ABCG1: variants seen among roughly 807,000 people sequenced by gnomAD.
ABCG1 encodes ATP binding cassette subfamily G member 1, also known as ATP-binding cassette sub-family G member 1.
ABCG1 carries 29 observed loss-of-function variants against 69.2 expected under a neutral mutation model. That is an observed-to-expected ratio of 0.42 (90% CI 0.31 to 0.57). The LOEUF is 0.57. Ranked by LOEUF, ABCG1 falls within the 20% of genes least tolerant of loss-of-function variation. The pLI, the probability that ABCG1 is intolerant of heterozygous loss-of-function variation, is 0.15. For missense variants in ABCG1, 718 were observed against 898.1 expected (o/e 0.80, Z 2.56); for synonymous variants, 370 against 374.8 (o/e 0.99, Z 0.15).
chr21:42,240,474 G>A (rs2068035426), intron 2 of ABCG1, among the ~76,000 whole-genome samples: 1 of 152,206 alleles, frequency 6.6e-6, no homozygotes, highest in Admixed American at 6.5e-5. Context: ...TCTTTGAGAT[G>A]GAGTCTCGCT....
chr21:42,260,016 G>A lies in ABCG1; in HGVS notation c.287-11054G>A, dbSNP rs980290080. ...CAGTGCGGCATCCTGCACGTGGTCA[G>A]TCCAAGTCCAGGGAGGGCCCCATCA... is the stretch of plus-strand genomic sequence containing the variant. On this transcript the variant is annotated intron_variant, in intron 2 of 14. Transcript: ENST00000398449. 10 of 1,547,398 alleles carry A rather than the reference G, an allele frequency of 6.5e-6. No homozygotes were observed. The Admixed American group carries it at 1.8e-4, about 27-fold the overall frequency.
Position 42,225,319 on chromosome 21 carries a change from T to C in ABCG1, c.43-352T>C, listed in dbSNP as rs529694253. ...CCTGGTGTGTCTTTATTGAGGTTTT[T>C]AAAATGAGGGGACTGTAAATAGATC... On this transcript the variant is annotated intron_variant, in intron 1 of 14. Coordinates refer to ENST00000398449, the MANE Select transcript of ABCG1 (RefSeq NM_016818.3). Among the ~76,000 whole-genome samples the C allele has an allele frequency of 2.0e-5, 3 of 152,336 alleles. No homozygotes were observed. The South Asian group carries it at 6.2e-4, about 32-fold the overall frequency.
chr21:42,294,130 T>G (rs544584287), intron 13 of ABCG1, among the ~76,000 whole-genome samples: 1 of 152,112 alleles, frequency 6.6e-6, no homozygotes, highest in South Asian at 2.1e-4. Context: ...ATCCCGCCTG[T>G]GAAGGCTGCA....
At position 42,291,323 on chromosome 21, in the gene ABCG1, CG is replaced by C; in HGVS notation, c.1494+135del. The C allele has an allele frequency of 1.7e-6, 2 of 1,156,926 alleles. No individual in the cohort carries two copies. Among genetic ancestry groups the C allele is most frequent in the Non-Finnish European group, 2.5e-6 (2 of 807,466 alleles). The allele number at this position is 1,156,926 out of a possible 1,614,324, so 71.7% of individuals were successfully genotyped here. A position where few individuals can be genotyped will look rare whatever the true frequency, so the allele number is the denominator to read the frequency against. On this transcript the variant is annotated intron_variant, in intron 12 of 14. Coordinates refer to ENST00000398449, the MANE Select transcript of ABCG1 (RefSeq NM_016818.3). The surrounding 1 kb of genome is among the most constrained non-coding windows in gnomAD (Gnocchi z 6.4). ...ACTTCGGGAGCTCTGGTGGGAGCTG[CG>C]GGGAAGGGCCTGACTTCGGGAGCTG...
chr21:42,289,522 T>C (rs896903147), intron 10 of ABCG1, among the ~76,000 whole-genome samples: 1 of 152,146 alleles, frequency 6.6e-6, no homozygotes, highest in East Asian at 1.9e-4. Context: ...CAATTCCTTA[T>C]AGGGAAGGAG....
At chr21:42,270,949 CT>C in intron 2 of ABCG1, 120 bp from the exon 3 acceptor site, 1 of 587,574 alleles carries the variant, frequency 1.7e-6, no homozygotes, top group Non-Finnish European at 2.9e-6. Context: ...GGAATGCAGC[CT>C]TTTCTATGAT....
At chr21:42,285,742 C>T in intron 7 of ABCG1, 138 bp from the exon 8 acceptor site, 1 of 687,752 alleles carries the variant, frequency 1.5e-6, no homozygotes, top group Non-Finnish European at 2.6e-6. Flanking sequence ...TGATGTAAAG[C>T]TCTCAGGAGA....
At chr21:42,203,091 G>A (rs1307039375) in intron 2 of ABCG1, among the ~76,000 whole-genome samples, 3 of 151,932 alleles carry the variant, frequency 2.0e-5, no homozygotes. Flanking sequence ...GGGTATCCAC[G>A]GGCAGAAAAA....
At chr21:42,263,313 G>A (rs368577966) in intron 2 of ABCG1, among the ~76,000 whole-genome samples, 5 of 152,282 alleles carry the variant, frequency 3.3e-5, no homozygotes, top group Non-Finnish European at 5.9e-5. Context: ...GGAGGAAACC[G>A]TCTTTTTTAT....
intron 2 of ABCG1, among the ~76,000 whole-genome samples, chr21:42,254,524 C>T (rs1025359169): frequency 1.2e-4 from 19 of 152,230 alleles, no homozygotes; most frequent in African/African-American, 4.6e-4. Context: ...AGCCCAACTT[C>T]CCAGACCTTC....
chr21:42,206,187 T>C (rs1308968422), intron 2 of ABCG1, among the ~76,000 whole-genome samples: 1 of 151,954 alleles, frequency 6.6e-6, no homozygotes, highest in Non-Finnish European at 1.5e-5. Context: ...CCATCTCTAC[T>C]AAAAGTACAA....
chr21:42,234,447 G>T (rs575171936), intron 2 of ABCG1, among the ~76,000 whole-genome samples: 1 of 152,336 alleles, frequency 6.6e-6, no homozygotes, highest in South Asian at 2.1e-4. Context: ...ATGGATGCAG[G>T]TATGGGGGCA....
At chr21:42,218,121 A>C (rs995639174), upstream of ABCG1, among the ~76,000 whole-genome samples, 1 of 152,206 alleles carries the variant, frequency 6.6e-6, no homozygotes, top group Non-Finnish European at 1.5e-5. Context: ...TGGCATAAAA[A>C]GCTGTGCCTC....
intron 2 of ABCG1, among the ~76,000 whole-genome samples, chr21:42,263,751 A>G (rs1051355530): frequency 2.6e-5 from 4 of 152,116 alleles, no homozygotes; most frequent in African/African-American, 9.7e-5. Flanking sequence ...CTGCCGTTAG[A>G]CTGTGGGGAG....
chr21:42,229,862 C>T (rs1272403674), intron 2 of ABCG1, among the ~76,000 whole-genome samples: 1 of 152,222 alleles, frequency 6.6e-6, no homozygotes, highest in Non-Finnish European at 1.5e-5. Context: ...GCTATTCTGA[C>T]TCCAAGTTCC....
chr21:42,246,692 G>A (rs570588447), intron 2 of ABCG1, among the ~76,000 whole-genome samples: 1 of 152,304 alleles, frequency 6.6e-6, no homozygotes, highest in Admixed American at 6.5e-5. Context: ...GTCAGGAAAA[G>A]ACCTTAAAGA....
chr21:42,249,536 A>C (rs184202375), intron 2 of ABCG1, among the ~76,000 whole-genome samples: 140 of 152,312 alleles, frequency 9.2e-4, no homozygotes, highest in Middle Eastern at 3.4e-3. Flanking sequence ...GTGAGAATTA[A>C]ATGAGTTCTG....
At chr21:42,241,604 CAAA>C (rs11330761) in intron 2 of ABCG1, among the ~76,000 whole-genome samples, 1 of 130,528 alleles carries the variant, frequency 7.7e-6, no homozygotes. Context: ...GACCCTGTCT[CAAA>C]AAAAAAAAAT....
rs1358356456 is a variant in ABCG1, at chr21:42,225,866, A to C, written c.238A>C (p.Arg80=). 2 of 1,613,742 alleles carry C rather than the reference A, an allele frequency of 1.2e-6. No homozygotes were observed. The highest frequency in any genetic ancestry group is 1.7e-6 in the Non-Finnish European group (2 of 1,180,018). Residue 80 remains arginine (R), a synonymous_variant, in exon 2 of 15, where the codon AGG becomes CGG. Coordinates refer to ENST00000398449, the MANE Select transcript of ABCG1 (RefSeq NM_016818.3). ...PRRAAVNIEF[R]DLSYSVPEGP... ...GAGGGCAGCTGTGAACATTGAATTC[A>C]GGGACCTTTCCTATTCGGTTCCTGA... is the stretch of plus-strand genomic sequence containing the variant.
Sources: gnomAD v4.1 joint callset for allele counts (sites outside exome capture counted in the v4.1 genomes callset) on GRCh38, gnomAD v4.1.1 for gene constraint, Gnocchi (gnomAD v3.1) non-coding constraint, MANE v1.5 for transcripts, NCBI Gene and HGNC (gene_info 2026-07-23, HGNC 2026-07-21) for gene names.